The following USP16 variants were observed in gnomAD, a reference collection of about 807,000 sequenced individuals.
USP16 encodes ubiquitin specific peptidase 16.
Under a neutral mutation model 95.9 loss-of-function variants are expected in USP16, and 77 were observed. The observed-to-expected ratio is 0.80, with a 90% confidence interval of 0.67 to 0.97. The LOEUF is 0.97. Ranked by LOEUF, USP16 falls within the 50% of genes least tolerant of loss-of-function variation. The pLI, the probability that USP16 is intolerant of heterozygous loss-of-function variation, is 0.00. For synonymous variants in USP16, 303 were observed against 318.2 expected, an observed-to-expected ratio of 0.95 and a Z score of 0.51; for missense variants, 943 against 959.9, an observed-to-expected ratio of 0.98 and a Z score of 0.23.
At position 29,047,055 on chromosome 21, in the gene USP16, A is replaced by C; in HGVS notation, c.1745A>C (p.Asn582Thr). 1 of 1,614,104 alleles carries C rather than the reference A, an allele frequency of 6.2e-7. No homozygotes were observed. The highest frequency in any genetic ancestry group is 8.5e-7 in the Non-Finnish European group (1 of 1,180,018). ...AATGGTTTCAAAAACCTAAATTTGA[A>C]TGCTGCTCTTCATCCTGATGAAATA... ...ISNGFKNLNLNAALHPDEINI... is the reference protein window; with the variant it reads ...ISNGFKNLNLTAALHPDEINI... Residue 582 changes from asparagine (N) to threonine (T), a missense_variant, in exon 14 of 18, where the codon AAT becomes ACT. Asn to Thr is a moderately conservative substitution (Grantham distance 65). Transcript: ENST00000399976.
chr21:29,039,926 C>T (rs2085218616), intron 9 of USP16, among the ~76,000 whole-genome samples: 1 of 152,152 alleles, frequency 6.6e-6, no homozygotes, highest in East Asian at 1.9e-4. Flanking sequence ...TGATTTAATA[C>T]TGTTTTTTGA....
chr21:29,034,433 C>G (rs1329219533), intron 3 of USP16, among the ~76,000 whole-genome samples: 2 of 151,972 alleles, frequency 1.3e-5, no homozygotes, highest in Non-Finnish European at 2.9e-5. Flanking sequence ...CTGCCTCAGC[C>G]TCCTAATTAG....
chr21:29,044,983 C>T (rs2085301938), intron 13 of USP16, among the ~76,000 whole-genome samples: 1 of 152,140 alleles, frequency 6.6e-6, no homozygotes, highest in South Asian at 2.1e-4. Flanking sequence ...ACAAAGGTTG[C>T]TCCTGACCCT....
intron 4 of USP16, among the ~76,000 whole-genome samples, chr21:29,035,286 T>C (rs956022902): frequency 1.3e-5 from 2 of 152,134 alleles, no homozygotes; most frequent in African/African-American, 2.4e-5. Context: ...TAAATGTCAG[T>C]CTGGTATGTT....
intron 1 of USP16, among the ~76,000 whole-genome samples, chr21:29,027,647 C>G (rs918439678): frequency 6.6e-6 from 1 of 152,180 alleles, no homozygotes. Flanking sequence ...TTGAAAACCT[C>G]TTAAGCTTGC....
intron 16 of USP16, 94 bp downstream of exon 16, chr21:29,050,272 A>T: frequency 9.5e-7 from 1 of 1,052,980 alleles, no homozygotes. Context: ...TATGAAGTTG[A>T]TAACACTTAT....
rs2085463286 is a variant in USP16 at position 29,054,365 on chromosome 21, T to C, written c.*178T>C. The C allele has an allele frequency of 7.1e-6, 6 of 839,780 alleles. No individual in the cohort carries two copies. In the East Asian group the frequency reaches 1.7e-4, roughly 23 times the overall value. 52.0% of individuals were successfully genotyped at this position (839,780 alleles called of 1,614,324 possible). A position where few individuals can be genotyped will look rare whatever the true frequency, so the allele number is the denominator to read the frequency against. On this transcript the variant is annotated 3_prime_UTR_variant, in exon 18 of 18. Coordinates refer to ENST00000399976, the MANE Select transcript of USP16 (RefSeq NM_006447.3). ...CTAAAAATGTACAAAGGTTTTATAT[T>C]GTCATAGTGGTTTTTATTCCTGCTT...
At position 29,043,470 on chromosome 21, in the gene USP16, G is replaced by T. The variant is rs1344036127; in HGVS notation, c.1227G>T (p.Glu409Asp). The T allele has an allele frequency of 2.5e-6, 4 of 1,576,618 alleles. No homozygotes were observed. Among genetic ancestry groups the T allele is most frequent in the Non-Finnish European group, 3.4e-6 (4 of 1,165,006 alleles). ...ATAAAAATCTGAAAAAGACAGTGGA[G>T]GATGAAGATCAAGATAGTGAGGAAG... ...VNDKNLKKTV[E>D]DEDQDSEEEK... The change falls in exon 13 of 18, where the codon GAG becomes GAT. Residue 409 changes from glutamate to aspartate, a missense_variant. By Grantham distance (45) the Glu-to-Asp change is conservative (BLOSUM62 2). Coordinates refer to ENST00000399976, the MANE Select transcript of USP16 (RefSeq NM_006447.3).
intron 14 of USP16, among the ~76,000 whole-genome samples, chr21:29,048,342 C>A (rs1216042513): frequency 6.6e-6 from 1 of 152,048 alleles, no homozygotes; most frequent in Non-Finnish European, 1.5e-5. Flanking sequence ...CTAGGCCTCC[C>A]AAAGTCCTGG....
At chr21:29,039,275 T>C in intron 8 of USP16, 119 bp downstream of exon 8, 1 of 1,149,446 alleles carries the variant, frequency 8.7e-7, no homozygotes, top group Non-Finnish European at 1.1e-6. Context: ...ACCCTCTATA[T>C]ACAAAAGGCA....
chr21:29,048,645 T>C (rs1568899283), intron 14 of USP16, 116 bp from the exon 15 acceptor site: 3 of 758,060 alleles, frequency 4.0e-6, no homozygotes, highest in Admixed American at 5.8e-5. Context: ...TAGTACTTCA[T>C]AGAAAAAGTT....
In USP16 at chr21:29,046,859, G is replaced by A; in HGVS notation, c.1549G>A (p.Gly517Ser). ...EYCVNQKDLNGQAKMIESVTD... is the reference protein window; with the variant it reads ...EYCVNQKDLNSQAKMIESVTD... ...TTGTGTCAACCAGAAAGATTTGAAT[G>A]GCCAAGCAAAAATGATCGAAAGTGT... Residue 517 changes from glycine to serine, a missense_variant, in exon 14 of 18, where the codon GGC (glycine) becomes AGC (serine). Gly to Ser is a moderately conservative substitution (Grantham distance 56). Coordinates refer to ENST00000399976, the MANE Select transcript of USP16 (RefSeq NM_006447.3). 4 of 1,614,074 alleles carry A rather than the reference G, an allele frequency of 2.5e-6. No individual in the cohort carries two copies. Among genetic ancestry groups the A allele is most frequent in the Non-Finnish European group, 3.4e-6 (4 of 1,180,004 alleles).
At chr21:29,044,433 A>G (rs2085291935) in intron 13 of USP16, among the ~76,000 whole-genome samples, 1 of 147,572 alleles carries the variant, frequency 6.8e-6, no homozygotes, top group Non-Finnish European at 1.5e-5. Flanking sequence ...TTTAGTATAT[A>G]AAACTTCTTC....
chr21:29,046,792 A>C lies in USP16; in HGVS notation c.1482A>C (p.Lys494Asn), dbSNP rs754754780. The stretch of plus-strand genomic sequence containing the variant: ...CACTTCAAGGAGAAGTAAATATTAA[A>C]TCCAACCATATTTCACAAGAGGGTG... ...EMSLQGEVNI[K>N]SNHISQEGVM... The change falls in exon 14 of 18, where the codon AAA (lysine) becomes AAC (asparagine). Residue 494 changes from lysine to asparagine, a missense_variant. By Grantham distance (94) the Lys-to-Asn change is moderately conservative. Transcript: ENST00000399976. 1.2e-6 allele frequency: 2 copies of C among 1,614,162 alleles called. No individual in the cohort carries two copies. Among genetic ancestry groups the C allele is most frequent in the East Asian group, 2.2e-5 (1 of 44,858 alleles).
chr21:29,046,537 T>C, intron 13 of USP16, 130 bp from the exon 14 acceptor site: 1 of 993,630 alleles, frequency 1.0e-6, no homozygotes, highest in Non-Finnish European at 1.4e-6. Flanking sequence ...GAAATTATTT[T>C]TGATTGACAA....
At chr21:29,042,154 T>G in intron 11 of USP16, 50 bp downstream of exon 11, 2 of 1,484,688 alleles carry the variant, frequency 1.3e-6, no homozygotes, top group Non-Finnish European at 1.9e-6. Context: ...TTCAACAGTT[T>G]ATCAATTGTT....
chr21:29,042,419 A>G (rs1402638669), intron 11 of USP16, 53 bp from the exon 12 acceptor site: 4 of 1,544,054 alleles, frequency 2.6e-6, no homozygotes, highest in South Asian at 1.2e-5. Context: ...GGATCTTACT[A>G]TGTAACATTT....
At position 29,046,727 on chromosome 21, in the gene USP16, A is replaced by G. The variant is rs1038494948; in HGVS notation, c.1417A>G (p.Ile473Val). Residue 473 changes from isoleucine (I) to valine (V), a missense_variant, in exon 14 of 18, where the codon ATT becomes GTT. Ile to Val is a conservative substitution (Grantham distance 29). Coordinates refer to ENST00000399976, the MANE Select transcript of USP16 (RefSeq NM_006447.3). The part of the protein sequence containing the change: ...KVLHLNDICT[I>V]DHPEDSEYEA... The stretch of plus-strand genomic sequence containing the variant: ...TCTTCATTTAAATGATATTTGTACT[A>G]TTGACCATCCTGAAGACAGTGAATA... 1.9e-6 allele frequency: 3 copies of G among 1,613,962 alleles called. No individual in the cohort carries two copies. Among genetic ancestry groups the G allele is most frequent in the African/African-American group, 2.7e-5 (2 of 75,046 alleles).
At chr21:29,036,853 CA>C (rs2085164649) in intron 5 of USP16, among the ~76,000 whole-genome samples, 1 of 152,188 alleles carries the variant, frequency 6.6e-6, no homozygotes. Context: ...GTATCTTTGT[CA>C]GAGCCAGAAT....
Sources: gnomAD v4.1 joint callset for allele counts (sites outside exome capture counted in the v4.1 genomes callset) on GRCh38, gnomAD v4.1.1 for gene constraint, MANE v1.5 for transcripts, NCBI Gene and HGNC (gene_info 2026-07-23, HGNC 2026-07-21) for gene names.